MRC2: variants seen among roughly 807,000 people sequenced by gnomAD.
MRC2 encodes the protein C-type mannose receptor 2.
Under a neutral mutation model 206.2 loss-of-function variants are expected in MRC2, and 84 were observed. That is an observed-to-expected ratio of 0.41 (90% CI 0.34 to 0.49). MRC2 has a LOEUF of 0.49. MRC2 is among the 20% of genes least tolerant of loss of function. MRC2 has a pLI of 0.31. For synonymous variants in MRC2, 798 were observed against 800.0 expected (o/e 1.00, Z 0.04); for missense variants, 1,676 against 2,001.5 (o/e 0.84, Z 3.10).
Position 62,692,745 on chromosome 17 carries a change from C to T in MRC2, c.*294C>T, listed in dbSNP as rs1317161640. 1.0e-5 allele frequency: 4 copies of T among 382,206 alleles called. No individual in the cohort carries two copies. Among genetic ancestry groups the T allele is most frequent in the Admixed American group, 3.8e-5 (1 of 26,212 alleles). 23.7% of individuals were successfully genotyped at this position (382,206 alleles called of 1,614,324 possible). On this transcript the variant is annotated 3_prime_UTR_variant, in exon 30 of 30. Transcript: ENST00000303375. The surrounding 1 kb of genome is among the most constrained non-coding windows in gnomAD (Gnocchi z 4.2). ...ACCAGAGGTAGGATGGGAGGGGGAA[C>T]GAGAGCCTCTTTCTCCCCAGAGCCC...
At chr17:62,630,824 A>G (rs2147422199) in intron 1 of MRC2, among the ~76,000 whole-genome samples, 1 of 151,964 alleles carries the variant, frequency 6.6e-6, no homozygotes, top group African/African-American at 2.4e-5. Context: ...CAGCCAGACC[A>G]GCTCCCTACA....
At chr17:62,682,453 C>A (rs1178946548) in intron 20 of MRC2, 76 bp downstream of exon 20, 2 of 1,488,060 alleles carry the variant, frequency 1.3e-6, no homozygotes, top group Non-Finnish European at 1.8e-6. Context: ...CCTCAGGAGT[C>A]CTGGCCTTTT....
Position 62,675,722 on chromosome 17 carries a change from G to T in MRC2, c.1570-68G>T. ...TCCCTGATGGCATCTCCCACCACAG[G>T]ATTTATGGGTGAGGGTGGAGAGTCA... On this transcript the variant is annotated intron_variant, in intron 9 of 29. Coordinates refer to ENST00000303375, the MANE Select transcript of MRC2 (RefSeq NM_006039.5). The surrounding 1 kb of genome is among the most constrained non-coding windows in gnomAD (Gnocchi z 4.1). The T allele has an allele frequency of 7.8e-7, 1 of 1,274,066 alleles. No homozygotes were observed. The allele number at this position is 1,274,066 out of a possible 1,614,324, so 78.9% of individuals were successfully genotyped here. A position where few individuals can be genotyped will look rare whatever the true frequency, so the allele number is the denominator to read the frequency against.
Position 62,679,894 on chromosome 17 carries a change from G to A in MRC2, c.2290G>A (p.Gly764Ser). 1 of 1,612,910 alleles carries A rather than the reference G, an allele frequency of 6.2e-7. No homozygotes were observed. The highest frequency in any genetic ancestry group is 8.5e-7 in the Non-Finnish European group (1 of 1,179,676). ...GGGTCAGAGTTGGCGCTGGAGCGACGGCGTAGGGGTGAGGGGGCCTGGGGT... is the reference window on the plus strand; with the variant it reads ...GGGTCAGAGTTGGCGCTGGAGCGACAGCGTAGGGGTGAGGGGGCCTGGGGT... ...RGGQSWRWSD[G>S]VGFSYHNFDR... Residue 764 changes from glycine to serine, a missense_variant, in exon 14 of 30, where the codon GGC becomes AGC. Around this residue, in one of 3 missense-constraint regions of MRC2, gnomAD observed 1,354 missense variants for 1,636.6 expected, o/e 0.83. Coordinates refer to ENST00000303375, the MANE Select transcript of MRC2 (RefSeq NM_006039.5).
intron 1 of MRC2, among the ~76,000 whole-genome samples, chr17:62,642,381 T>C (rs2088417598): frequency 6.6e-6 from 1 of 152,200 alleles, no homozygotes; most frequent in Admixed American, 6.5e-5. Context: ...CAATGTCAAT[T>C]TGTTCCCTTA....
In MRC2 at chr17:62,664,029, G is replaced by T. The variant is rs946702710; in HGVS notation, c.119-519G>T. 6.9e-6 allele frequency among the ~76,000 whole-genome samples: 1 copy of T among 145,784 alleles called. No individual in the cohort carries two copies. Among genetic ancestry groups the T allele is most frequent in the Non-Finnish European group, 1.5e-5 (1 of 67,074 alleles). On this transcript the variant is annotated intron_variant, in intron 1 of 29. Coordinates refer to ENST00000303375, the MANE Select transcript of MRC2 (RefSeq NM_006039.5). This position sits in a 1 kb window ranked among gnomAD's most constrained non-coding sequence, Gnocchi z 4.7. ...GGCTGGAGTGCAGTGGCGGGATCTC[G>T]GCTCACTGCAAGCTCCGCCTCCCGG...
chr17:62,691,138 G>A lies in MRC2; in HGVS notation c.4192+10G>A, dbSNP rs770233232. The A allele has an allele frequency of 3.3e-5, 52 of 1,592,882 alleles. No individual in the cohort carries two copies. Among genetic ancestry groups the A allele is most frequent in the East Asian group, 1.6e-4 (7 of 43,932 alleles). On this transcript the variant is annotated intron_variant, in intron 28 of 29. Coordinates refer to ENST00000303375, the MANE Select transcript of MRC2 (RefSeq NM_006039.5). ...TGCAAGCTTCCTCGTGGTGAGCGCCGGGCAGGCCCACGCTCAGCCTCCTTC... is the reference window on the plus strand; with the variant it reads ...TGCAAGCTTCCTCGTGGTGAGCGCCAGGCAGGCCCACGCTCAGCCTCCTTC...
intron 18 of MRC2, 175 bp from the exon 19 acceptor site, chr17:62,681,662 G>A (rs906315704): frequency 1.7e-6 from 1 of 586,678 alleles, no homozygotes; most frequent in Non-Finnish European, 3.0e-6. Context: ...GAGGCACCAG[G>A]TCCTTGGGTC....
rs1340698030 is a variant in MRC2 at position 62,664,316 on chromosome 17, G to A, written c.119-232G>A. On this transcript the variant is annotated intron_variant, in intron 1 of 29. Transcript: ENST00000303375. The surrounding 1 kb of genome is among the most constrained non-coding windows in gnomAD (Gnocchi z 4.7). The stretch of plus-strand genomic sequence containing the variant: ...GAGTCCTCCCTCCTGGTGAGCAGGG[G>A]CTAGAACAGAGGTAGTCCTGCAGGC... Among the ~76,000 whole-genome samples, 4 of 151,702 alleles carry A rather than the reference G, an allele frequency of 2.6e-5. No homozygotes were observed. The highest frequency in any genetic ancestry group is 6.5e-5 in the Admixed American group (1 of 15,272).
intron 1 of MRC2, among the ~76,000 whole-genome samples, chr17:62,632,583 C>T (rs191389158): frequency 1.9e-4 from 29 of 152,338 alleles, no homozygotes; most frequent in African/African-American, 5.8e-4. Context: ...CTTCTGCCCA[C>T]GCACGATCAC....
intron 1 of MRC2, among the ~76,000 whole-genome samples, chr17:62,637,756 C>T (rs1482794054): frequency 6.6e-6 from 1 of 152,154 alleles, no homozygotes; most frequent in East Asian, 1.9e-4. Context: ...CTGGAAGAAG[C>T]CTTTCTCTCC....
intron 18 of MRC2, 60 bp downstream of exon 18, chr17:62,681,189 A>G (rs559836966): frequency 6.3e-7 from 1 of 1,575,828 alleles, no homozygotes; most frequent in East Asian, 2.3e-5. Flanking sequence ...CACGGAGCAC[A>G]GAGGCAGACT....
In MRC2 at chr17:62,692,153, A is replaced by G. The variant is rs751101343; in HGVS notation, c.4219+15A>G. ...CTCCCCATCAGGTGAGTGAAAGGCA[A>G]TGCCCCCAGGTGGGCAGGCAGGAAG... On this transcript the variant is annotated intron_variant, in intron 29 of 29. Transcript: ENST00000303375. The surrounding 1 kb of genome is among the most constrained non-coding windows in gnomAD (Gnocchi z 4.2). 32 of 1,614,084 alleles carry G rather than the reference A, an allele frequency of 2.0e-5. No homozygotes were observed. The East Asian group carries it at 6.5e-4, about 33-fold the overall frequency.
In MRC2 at chr17:62,690,121, G is replaced by T. The variant is rs370387389; in HGVS notation, c.3743-35G>T. On this transcript the variant is annotated intron_variant, in intron 25 of 29. Transcript: ENST00000303375. ...CAAGCTGTCGGTGGCCCCGGGGAGGGTGCTGAGCCACTTCTTAATCCTGTA... is the reference window on the plus strand; with the variant it reads ...CAAGCTGTCGGTGGCCCCGGGGAGGTTGCTGAGCCACTTCTTAATCCTGTA... The T allele has an allele frequency of 3.8e-6, 6 of 1,585,788 alleles. No homozygotes were observed. The African/African-American group carries it at 4.0e-5, about 11-fold the overall frequency.
rs767559282 is a variant in MRC2 at position 62,680,383 on chromosome 17, C to T, written c.2438-35C>T. On this transcript the variant is annotated intron_variant, in intron 15 of 29. Coordinates refer to ENST00000303375, the MANE Select transcript of MRC2 (RefSeq NM_006039.5). This position sits in a 1 kb window ranked among gnomAD's most constrained non-coding sequence, Gnocchi z 4.8. ...GGCCAGGAATTCCAGGGAGGGTCTCCTTTCCTCACAACGTCTTTGTCCTTG... is the reference window on the plus strand; with the variant it reads ...GGCCAGGAATTCCAGGGAGGGTCTCTTTTCCTCACAACGTCTTTGTCCTTG... The T allele has an allele frequency of 3.7e-6, 6 of 1,613,898 alleles. No individual in the cohort carries two copies. The highest frequency in any genetic ancestry group is 1.3e-5 in the African/African-American group (1 of 74,914).
At chr17:62,644,948 C>A (rs1044957338) in intron 1 of MRC2, among the ~76,000 whole-genome samples, 1 of 152,106 alleles carries the variant, frequency 6.6e-6, no homozygotes. Context: ...TGTGACTTAG[C>A]CCAGTGTTCA....
rs555408283 is a variant in MRC2, at chr17:62,692,592, C to G, written c.*141C>G. On this transcript the variant is annotated 3_prime_UTR_variant, in exon 30 of 30. Transcript: ENST00000303375. The surrounding 1 kb of genome is among the most constrained non-coding windows in gnomAD (Gnocchi z 4.2). ...GTCGCTGTTGGGAGCCGGAGCTGGG[C>G]AGAGCCTGGGCTGGTGGGGTGCCAC... 88 of 871,216 alleles carry G rather than the reference C, an allele frequency of 1.0e-4. 1 individual carries two copies. Among genetic ancestry groups the G allele is most frequent in the Admixed American group, 2.3e-4 (9 of 39,232 alleles). 54.0% of individuals were successfully genotyped at this position (871,216 alleles called of 1,614,324 possible).
intron 28 of MRC2, 151 bp downstream of exon 28, chr17:62,691,279 A>G: frequency 1.1e-6 from 1 of 913,164 alleles, no homozygotes; most frequent in South Asian, 1.9e-5. Flanking sequence ...CCCCCGGGAT[A>G]AATTAGTCAG....
In MRC2 at chr17:62,692,845, G is replaced by A. The variant is rs2089129302; in HGVS notation, c.*394G>A. The A allele has an allele frequency of 4.8e-6, 1 of 207,914 alleles. No individual in the cohort carries two copies. Among genetic ancestry groups the A allele is most frequent in the Non-Finnish European group, 1.0e-5 (1 of 100,224 alleles). 12.9% of individuals were successfully genotyped at this position (207,914 alleles called of 1,614,324 possible). A position where few individuals can be genotyped will look rare whatever the true frequency, so the allele number is the denominator to read the frequency against. On this transcript the variant is annotated 3_prime_UTR_variant, in exon 30 of 30. Coordinates refer to ENST00000303375, the MANE Select transcript of MRC2 (RefSeq NM_006039.5). This position sits in a 1 kb window ranked among gnomAD's most constrained non-coding sequence, Gnocchi z 4.2. ...CCCGAGGAGCCTCCCCTGTCCCCTC[G>A]GGCAGATCTGTTGTGTCTCTCTTCC... is the stretch of plus-strand genomic sequence containing the variant.
Sources: allele counts gnomAD v4.1 joint callset (sites outside exome capture counted in the v4.1 genomes callset), GRCh38; gene constraint gnomAD v4.1.1; regional missense constraint gnomAD v4.1.1; non-coding constraint Gnocchi (gnomAD v3.1); transcripts MANE v1.5; gene names NCBI Gene and HGNC (gene_info 2026-07-23, HGNC 2026-07-21).